SHTN1: variants seen among roughly 807,000 people sequenced by gnomAD.
SHTN1 encodes the protein shootin-1.
In SHTN1, 42 loss-of-function variants were observed where a neutral mutation model predicts 83.1. That is an observed-to-expected ratio of 0.51 (90% CI 0.39 to 0.65). The LOEUF is 0.65. SHTN1 is among the 30% of genes least tolerant of loss of function. The pLI is 0.00. For missense variants in SHTN1, 622 were observed against 737.8 expected (o/e 0.84, Z 1.82); for synonymous variants, 224 against 247.7 (o/e 0.90, Z 0.90).
At chr10:117,122,417 G>A (rs1853943733) in intron 1 of SHTN1, among the ~76,000 whole-genome samples, 1 of 152,094 alleles carries the variant, frequency 6.6e-6, no homozygotes, top group Non-Finnish European at 1.5e-5. Context: ...GGGCTCAAGC[G>A]ATCCTCTCAC....
chr10:116,892,440 G>A (rs1847367515), intron 16 of SHTN1, among the ~76,000 whole-genome samples: 1 of 152,118 alleles, frequency 6.6e-6, no homozygotes, highest in Non-Finnish European at 1.5e-5. Context: ...ACAACATTAA[G>A]TCATCATGGA....
chr10:117,048,665 C>T (rs1898352), intron 1 of SHTN1, among the ~76,000 whole-genome samples: 135,001 of 152,260 alleles, frequency 0.89, 61,182 homozygotes, highest in Non-Finnish European at 0.98. Context: ...CCACATTGAA[C>T]TTCTGTAGTG....
At chr10:117,015,489 G>A (rs1242205375) in intron 2 of SHTN1, among the ~76,000 whole-genome samples, 1 of 152,002 alleles carries the variant, frequency 6.6e-6, no homozygotes, top group African/African-American at 2.4e-5. Context: ...GCACCACCAC[G>A]CCTGGCTAAT....
At chr10:116,962,745 T>C (rs1490780441) in intron 3 of SHTN1, among the ~76,000 whole-genome samples, 1 of 152,188 alleles carries the variant, frequency 6.6e-6, no homozygotes, top group African/African-American at 2.4e-5. Context: ...CAGTTCTGAT[T>C]TGGTACACTC....
intron 1 of SHTN1, among the ~76,000 whole-genome samples, chr10:117,082,522 G>A (rs1162935624): frequency 6.6e-6 from 1 of 151,924 alleles, no homozygotes; most frequent in Non-Finnish European, 1.5e-5. Flanking sequence ...GTTGATTTGG[G>A]GTGGAGAGTT....
chr10:116,906,800 CA>C (rs1407756432), intron 14 of SHTN1, 53 bp from the exon 15 acceptor site: 41 of 1,383,008 alleles, frequency 3.0e-5, no homozygotes, highest in Non-Finnish European at 3.6e-5. Context: ...ATACAATATA[CA>C]AAAGAATATA....
intron 2 of SHTN1, among the ~76,000 whole-genome samples, chr10:117,045,863 G>T (rs1231996816): frequency 6.6e-6 from 1 of 152,054 alleles, no homozygotes; most frequent in Non-Finnish European, 1.5e-5. Flanking sequence ...ATATGCTAAG[G>T]GTTCTAATGA....
At chr10:117,054,406 CTTT>C (rs1214269438) in intron 1 of SHTN1, among the ~76,000 whole-genome samples, 3 of 138,432 alleles carry the variant, frequency 2.2e-5, no homozygotes, top group Admixed American at 7.3e-5. Context: ...GCATCCTTAT[CTTT>C]TTTTTTTTTT....
At chr10:116,926,646 C>A (rs1238445079) in intron 11 of SHTN1, among the ~76,000 whole-genome samples, 6 of 148,964 alleles carry the variant, frequency 4.0e-5, no homozygotes, top group Non-Finnish European at 7.4e-5. Context: ...AGCAAAGGTG[C>A]AAAGTATGAA....
At chr10:116,991,203 A>G (rs1027998840) in intron 1 of SHTN1, among the ~76,000 whole-genome samples, 4 of 151,516 alleles carry the variant, frequency 2.6e-5, no homozygotes, top group Non-Finnish European at 5.9e-5. Context: ...AAAAAAAAAG[A>G]AGGGCTTCTT....
Position 116,968,636 on chromosome 10 carries a change from T to C in SHTN1, c.172+16A>G. The C allele has an allele frequency of 6.3e-7, 1 of 1,590,672 alleles. No homozygotes were observed. Among genetic ancestry groups the C allele is most frequent in the Non-Finnish European group, 8.6e-7 (1 of 1,160,132 alleles). On this transcript the variant is annotated intron_variant, in intron 3 of 16. Transcript: ENST00000355371. ...GCTATATGTGTTATAATAATTCCACTGAAATGCTTACGTACTTTTCTGAAA... is the reference window on the plus strand; with the variant it reads ...GCTATATGTGTTATAATAATTCCACCGAAATGCTTACGTACTTTTCTGAAA...
intron 1 of SHTN1, among the ~76,000 whole-genome samples, chr10:117,108,139 C>CA (rs2133636184): frequency 6.6e-6 from 1 of 152,284 alleles, no homozygotes; most frequent in South Asian, 2.1e-4. Context: ...TTCTTAACCA[C>CA]AATTTGAAAG....
At chr10:116,956,455 TTATA>T (rs938921835) in intron 4 of SHTN1, among the ~76,000 whole-genome samples, 7 of 152,228 alleles carry the variant, frequency 4.6e-5, no homozygotes, top group African/African-American at 1.4e-4. Context: ...AAATGAGACA[TTATA>T]TATAAAGTAT....
At chr10:116,923,682 A>T (rs1211004761) in intron 11 of SHTN1, among the ~76,000 whole-genome samples, 1 of 151,870 alleles carries the variant, frequency 6.6e-6, no homozygotes, top group Non-Finnish European at 1.5e-5. Context: ...CAGCCTTTGG[A>T]GTAGCTGGGA....
At chr10:116,906,939 A>C (rs1360948498) in intron 14 of SHTN1, among the ~76,000 whole-genome samples, 192 bp from the exon 15 acceptor site, 1 of 152,202 alleles carries the variant, frequency 6.6e-6, no homozygotes, top group Non-Finnish European at 1.5e-5. Context: ...ATTTAAGAAG[A>C]TGCTATTGAT....
chr10:117,019,775 TA>T (rs930490463), intron 2 of SHTN1, among the ~76,000 whole-genome samples: 6 of 149,680 alleles, frequency 4.0e-5, no homozygotes, highest in Non-Finnish European at 7.4e-5. Context: ...TACAGTGAGC[TA>T]TGATCATGCC....
intron 1 of SHTN1, among the ~76,000 whole-genome samples, chr10:117,100,969 T>C (rs977979565): frequency 3.7e-4 from 56 of 152,286 alleles, no homozygotes; most frequent in African/African-American, 1.3e-3. Context: ...AGAGTCACAT[T>C]ATGCAGAACC....
intron 5 of SHTN1, among the ~76,000 whole-genome samples, chr10:116,952,373 T>G (rs1013693808): frequency 1.3e-5 from 2 of 152,216 alleles, no homozygotes; most frequent in Non-Finnish European, 2.9e-5. Context: ...TATTTCATAA[T>G]GCCATGGGCT....
intron 1 of SHTN1, among the ~76,000 whole-genome samples, chr10:117,106,427 C>A (rs1853671459): frequency 6.6e-6 from 1 of 152,174 alleles, no homozygotes; most frequent in African/African-American, 2.4e-5. Flanking sequence ...TGCACTCTAG[C>A]CTGGGCGACA....
Sources: allele counts gnomAD v4.1 joint callset (sites outside exome capture counted in the v4.1 genomes callset), GRCh38; gene constraint gnomAD v4.1.1; transcripts MANE v1.5; gene names NCBI Gene and HGNC (gene_info 2026-07-23, HGNC 2026-07-21).